Variants in PHACTR1 observed in about 807,000 individuals in gnomAD.
PHACTR1 encodes phosphatase and actin regulator 1.
PHACTR1 carries 16 observed loss-of-function variants against 69.2 expected under a neutral mutation model. That is an observed-to-expected ratio of 0.23 (90% CI 0.16 to 0.35). PHACTR1 has a LOEUF of 0.35. Ranked by LOEUF, PHACTR1 falls within the 10% of genes least tolerant of loss-of-function variation. The pLI is 1.00. For missense variants in PHACTR1, 510 were observed against 734.7 expected (o/e 0.69, Z 3.54); for synonymous variants, 312 against 284.5 (o/e 1.10, Z -0.97).
At chr6:13,201,516 G>A (rs550010735) in intron 7 of PHACTR1, among the ~76,000 whole-genome samples, 9 of 152,248 alleles carry the variant, frequency 5.9e-5, no homozygotes, top group Admixed American at 2.6e-4. Context: ...TGGACCTCAC[G>A]CATGCCCAGC....
chr6:12,863,849 T>C (rs1781174955), intron 4 of PHACTR1, among the ~76,000 whole-genome samples: 1 of 152,098 alleles, frequency 6.6e-6, no homozygotes, highest in Non-Finnish European at 1.5e-5. Flanking sequence ...TGTGTGTAGA[T>C]CCACAGGAGC....
At chr6:13,185,145 T>C (rs764735376) in intron 7 of PHACTR1, 11 of 570,776 alleles carry the variant, frequency 1.9e-5, no homozygotes, top group South Asian at 3.8e-5. Flanking sequence ...TTTCTGTGTG[T>C]GTCTTGATAT....
intron 4 of PHACTR1, among the ~76,000 whole-genome samples, chr6:13,029,881 G>A (rs992908447): frequency 6.6e-6 from 1 of 152,204 alleles, no homozygotes; most frequent in Admixed American, 6.5e-5. Context: ...TCAGATTTGT[G>A]CACCCCTGGT....
intron 8 of PHACTR1, among the ~76,000 whole-genome samples, chr6:13,224,596 A>T (rs1381999681): frequency 1.3e-5 from 2 of 152,054 alleles, no homozygotes; most frequent in African/African-American, 2.4e-5. Context: ...ACTATGTTAT[A>T]AAAAAAACTC....
chr6:12,734,518 T>C (rs1209716101), intron 3 of PHACTR1, among the ~76,000 whole-genome samples: 1 of 152,208 alleles, frequency 6.6e-6, no homozygotes, highest in Non-Finnish European at 1.5e-5. Flanking sequence ...CTATTAAGTA[T>C]GTCATTTGGA....
intron 4 of PHACTR1, among the ~76,000 whole-genome samples, chr6:12,824,920 C>G (rs965876418): frequency 2.6e-5 from 4 of 152,150 alleles, no homozygotes; most frequent in African/African-American, 9.7e-5. Flanking sequence ...GACTTGTGCT[C>G]TCTGTGCTGG....
chr6:13,116,729 C>T (rs1330186956), intron 5 of PHACTR1, among the ~76,000 whole-genome samples: 1 of 152,048 alleles, frequency 6.6e-6, no homozygotes, highest in African/African-American at 2.4e-5. Flanking sequence ...TGTTTAATGA[C>T]TAAATGGAAA....
chr6:13,193,357 GTATATA>G lies in PHACTR1; in HGVS notation c.664+10694_664+10699del, dbSNP rs56305254. Among the ~76,000 whole-genome samples the G allele has an allele frequency of 1.6e-3, 112 of 68,194 alleles. 8 individuals carry two copies. Among genetic ancestry groups the G allele is most frequent in the African/African-American group, 3.7e-3 (88 of 23,776 alleles). 44.7% of individuals were successfully genotyped at this position (68,194 alleles called of 152,430 possible). On this transcript the variant is annotated intron_variant, in intron 7 of 14. Transcript: ENST00000332995. ...ATTCTACCTCTTAATAGCTCTCTGT[GTATATA>G]TATATATATATATATATATATAGTT... is the stretch of plus-strand genomic sequence containing the variant.
intron 4 of PHACTR1, among the ~76,000 whole-genome samples, chr6:12,974,143 A>C (rs955571241): frequency 3.3e-5 from 5 of 152,086 alleles, no homozygotes; most frequent in Non-Finnish European, 7.4e-5. Flanking sequence ...GCTGGTCTCA[A>C]ACCCCTGACA....
chr6:13,024,626 C>A (rs1801434869), intron 4 of PHACTR1, among the ~76,000 whole-genome samples: 1 of 152,178 alleles, frequency 6.6e-6, no homozygotes, highest in African/African-American at 2.4e-5. Flanking sequence ...TGCCCAAAGC[C>A]TTAATGTGCT....
At chr6:12,900,146 A>AC (rs1785045034) in intron 4 of PHACTR1, among the ~76,000 whole-genome samples, 2 of 152,204 alleles carry the variant, frequency 1.3e-5, no homozygotes, top group South Asian at 4.1e-4. Context: ...ACTTCTTCAA[A>AC]CCACTTGTTC....
intron 4 of PHACTR1, among the ~76,000 whole-genome samples, chr6:12,783,761 G>C (rs887069003): frequency 6.6e-6 from 1 of 152,142 alleles, no homozygotes; most frequent in African/African-American, 2.4e-5. Context: ...CAAGTAACTA[G>C]ACATAGCACT....
At chr6:12,908,519 AGG>A (rs1235843397) in intron 4 of PHACTR1, among the ~76,000 whole-genome samples, 2 of 151,774 alleles carry the variant, frequency 1.3e-5, no homozygotes, top group African/African-American at 4.8e-5. Context: ...AAAAAAAAAA[AGG>A]GTGCTGTGCA....
At chr6:12,807,128 CAT>C (rs1399417005) in intron 4 of PHACTR1, among the ~76,000 whole-genome samples, 2 of 152,096 alleles carry the variant, frequency 1.3e-5, no homozygotes, top group African/African-American at 4.8e-5. Flanking sequence ...TGTTGTAACA[CAT>C]GTGTGCTTTC....
chr6:12,736,116 A>G (rs1180799988), intron 3 of PHACTR1, among the ~76,000 whole-genome samples: 1 of 152,232 alleles, frequency 6.6e-6, no homozygotes, highest in Non-Finnish European at 1.5e-5. Context: ...GAAAAAGAAA[A>G]ATGTTCCAGG....
At chr6:12,809,961 G>A (rs188084659) in intron 4 of PHACTR1, among the ~76,000 whole-genome samples, 14 of 152,274 alleles carry the variant, frequency 9.2e-5, no homozygotes, top group Non-Finnish European at 2.1e-4. Context: ...CAAAAGGAAG[G>A]TGTCTAGGAC....
At chr6:13,158,081 C>T (rs1374532119) in intron 5 of PHACTR1, among the ~76,000 whole-genome samples, 2 of 152,074 alleles carry the variant, frequency 1.3e-5, no homozygotes, top group African/African-American at 4.8e-5. Context: ...GGGGTTTCAC[C>T]ATGTTGACCA....
chr6:12,784,011 C>T (rs931585511), intron 4 of PHACTR1, among the ~76,000 whole-genome samples: 2 of 151,966 alleles, frequency 1.3e-5, no homozygotes, highest in African/African-American at 4.8e-5. Context: ...CACACATATA[C>T]ATGATGATAT....
chr6:13,160,340 T>A lies in PHACTR1; in HGVS notation c.496+56T>A, dbSNP rs564050707. On this transcript the variant is annotated intron_variant, in intron 6 of 14. Coordinates refer to ENST00000332995, the MANE Select transcript of PHACTR1 (RefSeq NM_030948.6). ...CAAAGAGTCATGCGTGGAATCTGCA[T>A]GCATATTGCTTGGAGTTCCATTTCA... The A allele has an allele frequency of 3.4e-4, 488 of 1,429,922 alleles. 6 individuals are homozygous for A. The South Asian group carries it at 4.7e-3, about 14-fold the overall frequency. 88.6% of individuals were successfully genotyped at this position (1,429,922 alleles called of 1,614,324 possible). A position where few individuals can be genotyped will look rare whatever the true frequency, so the allele number is the denominator to read the frequency against.
Sources: allele counts gnomAD v4.1 joint callset (sites outside exome capture counted in the v4.1 genomes callset), GRCh38; gene constraint gnomAD v4.1.1; transcripts MANE v1.5; gene names NCBI Gene and HGNC (gene_info 2026-07-23, HGNC 2026-07-21).